The following CEP83 variants were observed in gnomAD, a reference collection of about 807,000 sequenced individuals.
CEP83 encodes the protein centrosomal protein 83.
A neutral mutation model predicts 101.9 loss-of-function variants in CEP83; 70 were observed. That is an observed-to-expected ratio of 0.69 (90% CI 0.57 to 0.84). The LOEUF (loss-of-function observed/expected upper bound fraction) is 0.84, where lower values mean the gene tolerates loss of function less well. Among genes scored for constraint, CEP83 ranks in the 40% least tolerant of loss-of-function variants. CEP83 has a pLI of 0.00. For synonymous variants in CEP83, 264 were observed against 267.9 expected (o/e 0.99, Z 0.14); for missense variants, 715 against 787.2 (o/e 0.91, Z 1.10).
chr12:94,297,233 T>C, the CEP83 span: 2 of 1,614,006 alleles, frequency 1.2e-6, no homozygotes, highest in Non-Finnish European at 1.7e-6. Flanking sequence ...GAGTTCAGGC[T>C]TTCTTGTGCT....
chr12:94,299,945 C>T, the CEP83 span, among the ~76,000 whole-genome samples: 1 of 152,090 alleles, frequency 6.6e-6, no homozygotes, highest in Non-Finnish European at 1.5e-5. Flanking sequence ...AAGATTATGG[C>T]ATCTGAGCAG....
At chr12:94,427,300 A>C (rs2065274862) in intron 2 of CEP83, among the ~76,000 whole-genome samples, 1 of 152,258 alleles carries the variant, frequency 6.6e-6, no homozygotes, top group Non-Finnish European at 1.5e-5. Flanking sequence ...TACAGAGTTC[A>C]AACAGCAATA....
At chr12:94,408,284 C>T (rs575762423) in intron 4 of CEP83, among the ~76,000 whole-genome samples, 1 of 152,248 alleles carries the variant, frequency 6.6e-6, no homozygotes, top group South Asian at 2.1e-4. Flanking sequence ...CAATCTTTTA[C>T]AAAGAATACT....
Position 94,335,384 on chromosome 12 carries a change from T to C in CEP83, c.1419+205A>G, listed in dbSNP as rs1207101666. 2.0e-5 allele frequency among the ~76,000 whole-genome samples: 3 copies of C among 152,138 alleles called. No homozygotes were observed. In the South Asian group the frequency reaches 6.2e-4, roughly 31 times the overall value. On this transcript the variant is annotated intron_variant, in intron 12 of 16. Coordinates refer to ENST00000397809, the MANE Select transcript of CEP83 (RefSeq NM_016122.3). ...ATAAATATATATATCTTAAGAATAATAGCAGTTAGCCAAAGAAGCTTATTA... is the reference window on the plus strand; with the variant it reads ...ATAAATATATATATCTTAAGAATAACAGCAGTTAGCCAAAGAAGCTTATTA...
the CEP83 span, chr12:94,282,020 A>G: frequency 9.2e-4 from 297 of 323,930 alleles, 1 homozygote; most frequent in African/African-American, 6.2e-3. Context: ...ATTTTTGTTG[A>G]AGAGCTTAGT....
chr12:94,345,075 A>G (rs1428997542), intron 11 of CEP83, among the ~76,000 whole-genome samples: 3 of 152,234 alleles, frequency 2.0e-5, no homozygotes, highest in African/African-American at 7.2e-5. Flanking sequence ...TACCTACATG[A>G]AAATAAAAAG....
chr12:94,419,852 A>T (rs2064582813), intron 2 of CEP83, among the ~76,000 whole-genome samples: 1 of 152,194 alleles, frequency 6.6e-6, no homozygotes, highest in African/African-American at 2.4e-5. Flanking sequence ...TTCTAGTTGG[A>T]CTGAAGATCT....
intron 11 of CEP83, among the ~76,000 whole-genome samples, chr12:94,363,674 T>C (rs2060884041): frequency 6.6e-6 from 1 of 152,148 alleles, no homozygotes; most frequent in South Asian, 2.1e-4. Flanking sequence ...TTAGGGCAGG[T>C]GCGGTGGCTC....
At chr12:94,431,712 A>C in intron 2 of CEP83, among the ~76,000 whole-genome samples, 1 of 152,176 alleles carries the variant, frequency 6.6e-6, no homozygotes, top group East Asian at 1.9e-4. Context: ...ATTACCAGGG[A>C]AATGCAAATC....
chr12:94,385,101 G>A (rs774545527), intron 6 of CEP83, among the ~76,000 whole-genome samples: 1 of 152,180 alleles, frequency 6.6e-6, no homozygotes, highest in African/African-American at 2.4e-5. Context: ...GGAGGTAGTA[G>A]TCCCGATTCT....
intron 11 of CEP83, among the ~76,000 whole-genome samples, chr12:94,342,864 AT>A (rs1384700560): frequency 6.6e-6 from 1 of 152,116 alleles, no homozygotes; most frequent in African/African-American, 2.4e-5. Flanking sequence ...ATGAATATTT[AT>A]ATTCTGTACC....
At position 94,449,421 on chromosome 12, in the gene CEP83, A is replaced by C. The variant is rs995398199; in HGVS notation, c.-155+10136T>G. Among the ~76,000 whole-genome samples, 3 of 152,142 alleles carry C rather than the reference A, an allele frequency of 2.0e-5. No individual in the cohort carries two copies. The South Asian group carries it at 6.2e-4, about 32-fold the overall frequency. ...AGGAACATATACCCAAAATTCCTTA[A>C]TAATAATCAGACAAACCATATTCAA... On this transcript the variant is annotated intron_variant, in intron 1 of 16. Coordinates refer to ENST00000397809, the MANE Select transcript of CEP83 (RefSeq NM_016122.3).
intron 1 of CEP83, among the ~76,000 whole-genome samples, 173 bp downstream of exon 1, chr12:94,459,384 C>A (rs1461396995): frequency 1.3e-5 from 2 of 152,182 alleles, no homozygotes; most frequent in Non-Finnish European, 2.9e-5. Flanking sequence ...CAGAGTGCAT[C>A]CAAAAGCTCC....
intron 14 of CEP83, among the ~76,000 whole-genome samples, chr12:94,324,245 G>C (rs903564234): frequency 6.6e-6 from 1 of 152,162 alleles, no homozygotes; most frequent in Non-Finnish European, 1.5e-5. Context: ...TAATTTACCA[G>C]TGAAGCCAAA....
intron 11 of CEP83, among the ~76,000 whole-genome samples, chr12:94,363,215 G>A (rs2060859670): frequency 1.3e-5 from 2 of 152,184 alleles, no homozygotes; most frequent in Non-Finnish European, 2.9e-5. Context: ...AATGTTTGAG[G>A]TGATTGAATA....
intron 1 of CEP83, among the ~76,000 whole-genome samples, chr12:94,450,232 T>C (rs986576401): frequency 2.6e-5 from 4 of 152,220 alleles, no homozygotes; most frequent in Non-Finnish European, 5.9e-5. Context: ...TGATCATCTA[T>C]GTACAAACAA....
At chr12:94,279,754 G>C in the CEP83 span, 443 of 1,016,148 alleles carry the variant, frequency 4.4e-4, 2 homozygotes, top group African/African-American at 6.0e-3. Context: ...CTTCCATTCA[G>C]TGACACTTAC....
chr12:94,381,440 A>G (rs1158496659), intron 6 of CEP83, among the ~76,000 whole-genome samples: 1 of 152,204 alleles, frequency 6.6e-6, no homozygotes, highest in Non-Finnish European at 1.5e-5. Flanking sequence ...GTGTTAACTA[A>G]TATTACTTTT....
At chr12:94,371,503 A>G (rs1259717903) in intron 8 of CEP83, among the ~76,000 whole-genome samples, 1 of 152,192 alleles carries the variant, frequency 6.6e-6, no homozygotes, top group African/African-American at 2.4e-5. Context: ...TATAATAAGG[A>G]TTTAATCAAT....
Sources: gnomAD v4.1 joint callset for allele counts (sites outside exome capture counted in the v4.1 genomes callset) on GRCh38, gnomAD v4.1.1 for gene constraint, MANE v1.5 for transcripts, NCBI Gene and HGNC (gene_info 2026-07-23, HGNC 2026-07-21) for gene names.